Variants in HDLBP observed in about 807,000 individuals in gnomAD.
HDLBP encodes high density lipoprotein binding protein.
Under a neutral mutation model 137.3 loss-of-function variants are expected in HDLBP, and 30 were observed. The ratio of observed to expected loss-of-function variants is 0.22; its 90% CI spans 0.16 to 0.30. The LOEUF is 0.30. Ranked by LOEUF, HDLBP falls within the 10% of genes least tolerant of loss-of-function variation. The pLI is 1.00. For synonymous variants in HDLBP, 606 were observed against 596.0 expected, an observed-to-expected ratio of 1.02 and a Z score of -0.24; for missense variants, 1,119 against 1,667.3, an observed-to-expected ratio of 0.67 and a Z score of 5.73.
intron 11 of HDLBP, among the ~76,000 whole-genome samples, chr2:241,252,480 T>G (rs1434180301): frequency 6.6e-6 from 1 of 152,206 alleles, no homozygotes; most frequent in African/African-American, 2.4e-5. Flanking sequence ...CCAGCCTGGG[T>G]GACAGAGTGA....
chr2:241,256,151 C>T, intron 7 of HDLBP, 33 bp downstream of exon 7: 1 of 1,554,170 alleles, frequency 6.4e-7, no homozygotes, highest in Non-Finnish European at 8.9e-7. Flanking sequence ...TCTATTCCTG[C>T]CCATGGGGAT....
intron 1 of HDLBP, among the ~76,000 whole-genome samples, chr2:241,308,755 T>C (rs763324831): frequency 1.3e-5 from 2 of 152,150 alleles, no homozygotes; most frequent in Non-Finnish European, 2.9e-5. Context: ...TACCTCGACC[T>C]GTGATAACAA....
Position 241,246,847 on chromosome 2 carries a change from C to T in HDLBP, c.1855G>A (p.Ala619Thr). The T allele has an allele frequency of 6.2e-7, 1 of 1,614,176 alleles. No individual in the cohort carries two copies. The highest frequency in any genetic ancestry group is 8.5e-7 in the Non-Finnish European group (1 of 1,179,992). ...EESNTKIDLP[A>T]ENSNSETIII... ...ATGGTCTCTGAATTGCTATTCTCTG[C>T]TGGAAGGTCGATTTTGGTGTTGCTT... The change falls in exon 16 of 28, where the codon GCA becomes ACA. Residue 619 changes from alanine to threonine, a missense_variant. By Grantham distance (58) the Ala-to-Thr change is moderately conservative. Coordinates refer to ENST00000310931, the MANE Select transcript of HDLBP (RefSeq NM_005336.6).
At chr2:241,237,306 C>A (rs2070662551) in intron 20 of HDLBP, among the ~76,000 whole-genome samples, 1 of 152,100 alleles carries the variant, frequency 6.6e-6, no homozygotes, top group African/African-American at 2.4e-5. Context: ...AAGCGAGAGC[C>A]CCAGAAGTGA....
At chr2:241,289,930 C>T (rs2074954736) in intron 1 of HDLBP, among the ~76,000 whole-genome samples, 1 of 151,610 alleles carries the variant, frequency 6.6e-6, no homozygotes, top group South Asian at 2.1e-4. Flanking sequence ...AGAAGGGCAA[C>T]AGCAGAGATA....
At position 241,235,207 on chromosome 2, in the gene HDLBP, T is replaced by C. The variant is rs2070259012; in HGVS notation, c.3058A>G (p.Ile1020Val). The C allele has an allele frequency of 1.9e-6, 3 of 1,614,210 alleles. No homozygotes were observed. The East Asian group carries it at 6.7e-5, about 36-fold the overall frequency. ...TCCAAATTTGCAGCGAGGCCCGTGA[T>C]GGCGATGATGTCAGACTGCAGCTCA... is the stretch of plus-strand genomic sequence containing the variant. ...APELQSDIIA[I>V]TGLAANLDRA... is the part of the protein sequence containing the mutation. Residue 1020 changes from isoleucine to valine, a missense_variant, in exon 23 of 28, where the codon ATC becomes GTC. Ile to Val is a conservative substitution (Grantham distance 29). Coordinates refer to ENST00000310931, the MANE Select transcript of HDLBP (RefSeq NM_005336.6).
chr2:241,265,094 A>C (rs2073548583), intron 3 of HDLBP, among the ~76,000 whole-genome samples: 1 of 152,222 alleles, frequency 6.6e-6, no homozygotes. Flanking sequence ...GCAAACTCTG[A>C]TTTTCCACTG....
chr2:241,291,539 A>T (rs1004926195), intron 1 of HDLBP, among the ~76,000 whole-genome samples: 3 of 152,228 alleles, frequency 2.0e-5, no homozygotes, highest in Non-Finnish European at 4.4e-5. Flanking sequence ...AGTGCATCCT[A>T]AACACTGATA....
Position 241,242,884 on chromosome 2 carries a change from C to T in HDLBP, c.1951-206G>A, listed in dbSNP as rs192405880. 4.3e-3 allele frequency: 2,516 copies of T among 585,092 alleles called. 16 individuals are homozygous for T. The highest frequency in any genetic ancestry group is 6.4e-3 in the Non-Finnish European group (2,099 of 326,316). The allele number at this position is 585,092 out of a possible 1,614,324, so 36.2% of individuals were successfully genotyped here. ...TGCACGTCCTGGGGAGAGTGGGGTG[C>T]GCCCAGCAGAGCAGGCGCGCTGGGA... On this transcript the variant is annotated intron_variant, in intron 16 of 27. Transcript: ENST00000310931.
intron 1 of HDLBP, among the ~76,000 whole-genome samples, chr2:241,299,320 A>C (rs1343712213): frequency 6.6e-6 from 1 of 151,174 alleles, no homozygotes; most frequent in Non-Finnish European, 1.5e-5. Flanking sequence ...GGAGTTCAAG[A>C]CCAGCCTGAC....
At chr2:241,246,951 C>T in intron 15 of HDLBP, 68 bp from the exon 16 acceptor site, 1 of 1,594,188 alleles carries the variant, frequency 6.3e-7, no homozygotes, top group Non-Finnish European at 8.6e-7. Flanking sequence ...CAGTTGAGCA[C>T]AGGGCTAGAA....
intron 15 of HDLBP, 55 bp downstream of exon 15, chr2:241,247,001 C>CA (rs1451641948): frequency 1.9e-6 from 3 of 1,560,712 alleles, no homozygotes; most frequent in Non-Finnish European, 2.7e-6. Context: ...CAAAATGGTG[C>CA]AGGGCTACAG....
At position 241,233,845 on chromosome 2, in the gene HDLBP, A is replaced by C; in HGVS notation, c.3263T>G (p.Phe1088Cys). 1 of 1,614,164 alleles carries C rather than the reference A, an allele frequency of 6.2e-7. No individual in the cohort carries two copies. The highest frequency in any genetic ancestry group is 8.5e-7 in the Non-Finnish European group (1 of 1,180,028). ...IRLEHDVNIQFPDKDDGNQPQ... is the reference protein window; with the variant it reads ...IRLEHDVNIQCPDKDDGNQPQ... The stretch of plus-strand genomic sequence containing the variant: ...CTGGTTCCCATCGTCCTTATCAGGA[A>C]ACTGGATGTTCACGTCATGCTCCAA... The change falls in exon 24 of 28, where the codon TTT becomes TGT. Residue 1088 changes from phenylalanine (F) to cysteine (C), a missense_variant. Coordinates refer to ENST00000310931, the MANE Select transcript of HDLBP (RefSeq NM_005336.6). The surrounding 1 kb of genome is among the most constrained non-coding windows in gnomAD (Gnocchi z 4.3).
rs1004211895 is a variant in HDLBP at position 241,267,912 on chromosome 2, T to C, written c.-38+565A>G. 2.4e-5 allele frequency: 24 copies of C among 985,296 alleles called. No homozygotes were observed. In the African/African-American group the frequency reaches 3.8e-4, roughly 16 times the overall value. The allele number at this position is 985,296 out of a possible 1,614,324, so 61.0% of individuals were successfully genotyped here. On this transcript the variant is annotated intron_variant, in intron 2 of 27. Coordinates refer to ENST00000310931, the MANE Select transcript of HDLBP (RefSeq NM_005336.6). Reference sequence around the variant, plus strand: ...CCACAGTGCTCAGCGGGATATGGGCTCCGAAAGCCACAGCTCCCTTATGTG... The same window carrying C: ...CCACAGTGCTCAGCGGGATATGGGCCCCGAAAGCCACAGCTCCCTTATGTG...
chr2:241,242,910 G>A (rs144124091), intron 16 of HDLBP: 1 of 556,434 alleles, frequency 1.8e-6, no homozygotes, highest in Non-Finnish European at 3.2e-6. Context: ...CGCGCTGGGA[G>A]GTGTTTAACT....
intron 5 of HDLBP, among the ~76,000 whole-genome samples, chr2:241,257,748 C>A (rs4675972): frequency 0.035 from 5,376 of 152,052 alleles, 489 homozygotes; most frequent in Admixed American, 0.18. Flanking sequence ...AACACAGAAC[C>A]AACAAAAATG....
chr2:241,246,563 AG>A, intron 16 of HDLBP, 188 bp downstream of exon 16: 2 of 595,302 alleles, frequency 3.4e-6, no homozygotes, highest in Non-Finnish European at 5.9e-6. Context: ...GGTCCAGGTA[AG>A]TAAGTATCGT....
At chr2:241,237,221 G>T (rs940274527) in intron 20 of HDLBP, among the ~76,000 whole-genome samples, 1 of 152,198 alleles carries the variant, frequency 6.6e-6, no homozygotes, top group Non-Finnish European at 1.5e-5. Context: ...GAGGCAGTGG[G>T]AAGGGGGGTG....
intron 16 of HDLBP, among the ~76,000 whole-genome samples, chr2:241,243,376 C>T (rs746752544): frequency 2.0e-5 from 3 of 152,202 alleles, no homozygotes; most frequent in Admixed American, 1.3e-4. Context: ...ACAGTGCCTG[C>T]AGCTCAGCTG....
Sources: gnomAD v4.1 joint callset for allele counts (sites outside exome capture counted in the v4.1 genomes callset) on GRCh38, gnomAD v4.1.1 for gene constraint, Gnocchi (gnomAD v3.1) non-coding constraint, MANE v1.5 for transcripts, NCBI Gene and HGNC (gene_info 2026-07-23, HGNC 2026-07-21) for gene names.